Variants in RFX3 observed in about 807,000 individuals in gnomAD.
RFX3 encodes the protein regulatory factor X3, also known as transcription factor RFX3.
RFX3 carries 14 observed loss-of-function variants against 98.6 expected under a neutral mutation model. The ratio of observed to expected loss-of-function variants is 0.14; its 90% CI spans 0.09 to 0.22. The LOEUF is 0.22. RFX3 is among the 10% of genes least tolerant of loss of function. The pLI, the probability that RFX3 is intolerant of heterozygous loss-of-function variation, is 1.00. For missense variants in RFX3, 639 were observed against 926.9 expected (o/e 0.69, Z 4.03); for synonymous variants, 383 against 328.4 (o/e 1.17, Z -1.80).
At chr9:3,522,712 G>C (rs535683186) in intron 1 of RFX3, among the ~76,000 whole-genome samples, 1 of 152,016 alleles carries the variant, frequency 6.6e-6, no homozygotes, top group Non-Finnish European at 1.5e-5. Flanking sequence ...TTCAGCTGGA[G>C]AATACCAACA....
At chr9:3,404,286 T>A (rs943329166) in intron 1 of RFX3, among the ~76,000 whole-genome samples, 1 of 152,206 alleles carries the variant, frequency 6.6e-6, no homozygotes, top group Non-Finnish European at 1.5e-5. Context: ...ATTTTCATTA[T>A]ATGTATATGT....
intron 15 of RFX3, among the ~76,000 whole-genome samples, chr9:3,239,699 C>T (rs1001061206): frequency 6.6e-6 from 1 of 152,114 alleles, no homozygotes; most frequent in Non-Finnish European, 1.5e-5. Flanking sequence ...CCATTAAGGC[C>T]AAAGCAAGAG....
intron 1 of RFX3, among the ~76,000 whole-genome samples, chr9:3,434,781 T>C (rs1844970194): frequency 6.6e-6 from 1 of 152,102 alleles, no homozygotes; most frequent in Non-Finnish European, 1.5e-5. Context: ...CAGTCATGCA[T>C]TGCTTAACAA....
At chr9:3,337,089 G>A (rs905991685) in intron 3 of RFX3, among the ~76,000 whole-genome samples, 1 of 152,162 alleles carries the variant, frequency 6.6e-6, no homozygotes, top group Admixed American at 6.5e-5. Context: ...ATGGGTAGGA[G>A]GAGGTAGGGC....
intron 1 of RFX3, among the ~76,000 whole-genome samples, chr9:3,417,591 C>T (rs1843088335): frequency 6.6e-6 from 1 of 152,070 alleles, no homozygotes; most frequent in Non-Finnish European, 1.5e-5. Flanking sequence ...AGAATTAAAA[C>T]AGAAGTATTT....
At chr9:3,394,455 C>A (rs1340017672) in intron 2 of RFX3, among the ~76,000 whole-genome samples, 3 of 152,052 alleles carry the variant, frequency 2.0e-5, no homozygotes, top group Non-Finnish European at 1.5e-5. Context: ...AGCGAGACTC[C>A]CGTCTCAAAA....
chr9:3,470,612 G>A (rs2133212810), intron 1 of RFX3, among the ~76,000 whole-genome samples: 1 of 152,188 alleles, frequency 6.6e-6, no homozygotes, highest in African/African-American at 2.4e-5. Flanking sequence ...CAGGCAGTGA[G>A]CCACCGCACC....
At chr9:3,525,666 CG>C (rs1448996094) in intron 1 of RFX3, 80 bp downstream of exon 1, 1 of 157,116 alleles carries the variant, frequency 6.4e-6, no homozygotes, top group East Asian at 1.9e-4. Flanking sequence ...CTCGCACACA[CG>C]AACACACACA....
chr9:3,448,086 C>T (rs1435311363), intron 1 of RFX3, among the ~76,000 whole-genome samples: 1 of 151,864 alleles, frequency 6.6e-6, no homozygotes, highest in African/African-American at 2.4e-5. Flanking sequence ...CCTCACTTCA[C>T]CTACTTAACT....
intron 1 of RFX3, among the ~76,000 whole-genome samples, chr9:3,419,065 A>G (rs1564075619): frequency 6.6e-6 from 1 of 152,230 alleles, no homozygotes; most frequent in Non-Finnish European, 1.5e-5. Context: ...AGGATAAAAC[A>G]TGTATTTATG....
chr9:3,225,281 C>G lies in RFX3; in HGVS notation c.2012-1G>C. 1 of 1,613,114 alleles carries G rather than the reference C, an allele frequency of 6.2e-7. No homozygotes were observed. ...TCACTTTCTACTTCACTGCCTTCAT[C>G]TGCACAAACAAATAATACCAAGACT... is the stretch of plus-strand genomic sequence containing the variant. On this transcript the variant is annotated splice_acceptor_variant, in intron 16 of 16. Transcript: ENST00000617270. LOFTEE classifies it high-confidence loss of function.
At chr9:3,361,715 A>C (rs1836479274) in intron 2 of RFX3, among the ~76,000 whole-genome samples, 1 of 151,916 alleles carries the variant, frequency 6.6e-6, no homozygotes, top group Admixed American at 6.6e-5. Context: ...TCGGAGGCCA[A>C]GATGGGTGGA....
intron 1 of RFX3, among the ~76,000 whole-genome samples, chr9:3,402,973 G>A (rs1841614445): frequency 6.6e-6 from 1 of 151,850 alleles, no homozygotes; most frequent in Non-Finnish European, 1.5e-5. Context: ...GTACAATGAT[G>A]GGGCATAGTA....
intron 16 of RFX3, among the ~76,000 whole-genome samples, chr9:3,227,676 ATATCATCAGTGTTGCTTTATGTG>A (rs1817940492): frequency 6.6e-6 from 1 of 152,156 alleles, no homozygotes; most frequent in Non-Finnish European, 1.5e-5. Flanking sequence ...TGGTGTGAGT[ATATCATCAGTGTTGCTTTATGTG>A]GGACACGGAT....
intron 4 of RFX3, among the ~76,000 whole-genome samples, chr9:3,317,911 T>G (rs533461535): frequency 6.6e-6 from 1 of 152,180 alleles, no homozygotes; most frequent in Admixed American, 6.5e-5. Context: ...GGAACACTTT[T>G]ACACTGTTGG....
At chr9:3,298,931 T>C (rs1206730730) in intron 5 of RFX3, among the ~76,000 whole-genome samples, 3 of 151,694 alleles carry the variant, frequency 2.0e-5, no homozygotes, top group African/African-American at 7.3e-5. Flanking sequence ...TAGAAACAGG[T>C]AAAATACGGG....
At chr9:3,504,802 A>G (rs1816608290) in intron 1 of RFX3, among the ~76,000 whole-genome samples, 2 of 72,180 alleles carry the variant, frequency 2.8e-5, no homozygotes, top group Admixed American at 2.1e-4. Flanking sequence ...ATATTATATT[A>G]TATATAAAAT....
intron 1 of RFX3, among the ~76,000 whole-genome samples, chr9:3,423,680 C>T (rs980769944): frequency 2.0e-5 from 3 of 150,820 alleles, no homozygotes; most frequent in Non-Finnish European, 4.4e-5. Context: ...AAATGTTCTA[C>T]AACTTGATTA....
rs1451084404 is a variant in RFX3, at chr9:3,504,851, A to T, written c.-9+20896T>A. Among the ~76,000 whole-genome samples, 6 of 29,670 alleles carry T rather than the reference A, an allele frequency of 2.0e-4. No individual in the cohort carries two copies. In the East Asian group the frequency reaches 3.0e-3, roughly 15 times the overall value. The allele number at this position is 29,670 out of a possible 152,430, so 19.5% of individuals were successfully genotyped here. A position where few individuals can be genotyped will look rare whatever the true frequency, so the allele number is the denominator to read the frequency against. On this transcript the variant is annotated intron_variant, in intron 1 of 16. Transcript: ENST00000617270. ...AAAATATGTATAAAATATATATATT[A>T]TATATGATATAATATATATTATATA...
Sources: allele counts gnomAD v4.1 joint callset (sites outside exome capture counted in the v4.1 genomes callset), GRCh38; gene constraint gnomAD v4.1.1; transcripts MANE v1.5; gene names NCBI Gene and HGNC (gene_info 2026-07-23, HGNC 2026-07-21).